SIPA1L1: variants seen among roughly 807,000 people sequenced by gnomAD.
SIPA1L1 encodes the protein signal-induced proliferation-associated 1-like protein 1.
In SIPA1L1, 26 loss-of-function variants were observed where a neutral mutation model predicts 162.7. The observed-to-expected ratio is 0.16, with a 90% CI of 0.12 to 0.22. The LOEUF (loss-of-function observed/expected upper bound fraction) is 0.22, where lower values mean the gene tolerates loss of function less well. SIPA1L1 is among the 10% of genes least tolerant of loss of function. The pLI is 1.00. For synonymous variants in SIPA1L1, 829 were observed against 837.4 expected, an observed-to-expected ratio of 0.99 and a Z score of 0.17; for missense variants, 1,874 against 2,241.0, an observed-to-expected ratio of 0.84 and a Z score of 3.31.
At chr14:71,529,246 C>G in intron 3 of SIPA1L1, 66 bp from the exon 4 acceptor site, 1 of 526,112 alleles carries the variant, frequency 1.9e-6, no homozygotes, top group East Asian at 2.9e-5. Flanking sequence ...GTAAGTTATA[C>G]AGCTATTGTA....
chr14:71,690,579 G>GT (rs2081185096), intron 13 of SIPA1L1, among the ~76,000 whole-genome samples: 1 of 152,280 alleles, frequency 6.6e-6, no homozygotes, highest in East Asian at 1.9e-4. Flanking sequence ...TCTGGATGGT[G>GT]TTAGGTCCTT....
intron 19 of SIPA1L1, among the ~76,000 whole-genome samples, chr14:71,725,652 G>A (rs368757969): frequency 3.3e-5 from 5 of 152,150 alleles, no homozygotes; most frequent in Admixed American, 3.3e-4. Flanking sequence ...GTTCTATAAA[G>A]TGTGGAGTCT....
intron 10 of SIPA1L1, among the ~76,000 whole-genome samples, chr14:71,668,394 A>G (rs943197352): frequency 6.6e-6 from 1 of 152,144 alleles, no homozygotes; most frequent in African/African-American, 2.4e-5. Flanking sequence ...ACTTCTCTGT[A>G]TCTGTTCCTG....
chr14:71,412,580 CT>C (rs547151303), intron 2 of SIPA1L1, among the ~76,000 whole-genome samples: 210 of 152,164 alleles, frequency 1.4e-3, no homozygotes, highest in Non-Finnish European at 2.5e-3. Context: ...GTTTGAAGTG[CT>C]TTTTTATTTA....
intron 1 of SIPA1L1, 44 bp from the exon 2 acceptor site, chr14:71,321,078 G>C (rs912250530): frequency 6.6e-6 from 1 of 151,964 alleles, no homozygotes; most frequent in Admixed American, 6.5e-5. Context: ...GAGGCGGCGA[G>C]TGAGCGCGCG....
chr14:71,537,733 T>A (rs930637098), intron 4 of SIPA1L1, among the ~76,000 whole-genome samples: 2 of 152,110 alleles, frequency 1.3e-5, no homozygotes, highest in Admixed American at 1.3e-4. Flanking sequence ...GAAGTTTTAC[T>A]TTCTTCTAAG....
chr14:71,513,520 C>T (rs1025341793), intron 3 of SIPA1L1, among the ~76,000 whole-genome samples: 12 of 152,224 alleles, frequency 7.9e-5, no homozygotes, highest in African/African-American at 2.4e-4. Flanking sequence ...CAGGGTCTCG[C>T]TCTGTTGCTT....
chr14:71,377,015 G>A lies in SIPA1L1; in HGVS notation c.-465+55834G>A, dbSNP rs912820616. 5.9e-5 allele frequency among the ~76,000 whole-genome samples: 9 copies of A among 152,202 alleles called. No homozygotes were observed. Among genetic ancestry groups the A allele is most frequent in the African/African-American group, 2.2e-4 (9 of 41,500 alleles). On this transcript the variant is annotated intron_variant, in intron 2 of 23. Coordinates refer to ENST00000381232, the MANE Select transcript of SIPA1L1 (RefSeq NM_001386936.1). The surrounding 1 kb of genome is among the most constrained non-coding windows in gnomAD (Gnocchi z 4.8). ...CTTTCTATTCGACAAAACCACCATCGTCATTATGGCCCGTTCTCAGTGAGC... is the reference window on the plus strand; with the variant it reads ...CTTTCTATTCGACAAAACCACCATCATCATTATGGCCCGTTCTCAGTGAGC...
intron 5 of SIPA1L1, among the ~76,000 whole-genome samples, chr14:71,604,509 T>C (rs1473684258): frequency 6.6e-6 from 1 of 152,082 alleles, no homozygotes; most frequent in Non-Finnish European, 1.5e-5. Context: ...GTTATCATTC[T>C]TTCACTTCCA....
intron 2 of SIPA1L1, among the ~76,000 whole-genome samples, 176 bp from the exon 3 acceptor site, chr14:71,512,567 C>A (rs2144431894): frequency 7.4e-6 from 1 of 135,338 alleles, no homozygotes; most frequent in Admixed American, 8.2e-5. Context: ...AGCCTGGCGA[C>A]AGAGCGAGAC....
chr14:71,502,412 T>TGC (rs1383857672), intron 2 of SIPA1L1, among the ~76,000 whole-genome samples: 1 of 151,208 alleles, frequency 6.6e-6, no homozygotes, highest in Non-Finnish European at 1.5e-5. Flanking sequence ...CAATTTTGTG[T>TGC]GTGTGTGTGT....
chr14:71,628,342 A>G (rs1224279863), intron 7 of SIPA1L1, among the ~76,000 whole-genome samples: 1 of 152,230 alleles, frequency 6.6e-6, no homozygotes, highest in Non-Finnish European at 1.5e-5. Flanking sequence ...GCGTTCCCAC[A>G]TGTAAAGCAC....
At chr14:71,704,515 C>T (rs745431651) in intron 15 of SIPA1L1, among the ~76,000 whole-genome samples, 1 of 152,146 alleles carries the variant, frequency 6.6e-6, no homozygotes, top group Admixed American at 6.5e-5. Flanking sequence ...GAGTCAGAGT[C>T]AAGGAGTATT....
chr14:71,480,606 A>G (rs1256872536), intron 2 of SIPA1L1, among the ~76,000 whole-genome samples: 1 of 151,926 alleles, frequency 6.6e-6, no homozygotes, highest in Non-Finnish European at 1.5e-5. Flanking sequence ...TACTAAAAAT[A>G]CAAAAATTAG....
intron 2 of SIPA1L1, among the ~76,000 whole-genome samples, chr14:71,488,944 A>G (rs1319577637): frequency 6.6e-6 from 1 of 152,190 alleles, no homozygotes; most frequent in Non-Finnish European, 1.5e-5. Flanking sequence ...GTGAAGAAGT[A>G]AATTCCAGGC....
At chr14:71,692,836 G>T (rs146430805) in intron 13 of SIPA1L1, among the ~76,000 whole-genome samples, 3 of 152,276 alleles carry the variant, frequency 2.0e-5, no homozygotes, top group Non-Finnish European at 4.4e-5. Flanking sequence ...GGCCACCTGT[G>T]TATTAGTGTG....
At position 71,671,110 on chromosome 14, in the gene SIPA1L1, G is replaced by T; in HGVS notation, c.2256-9G>T. ...ACTGACGTGGCTCTCTTTGATCTTT[G>T]TCTCTCAGTGTGGCTGTTACCAGGT... On this transcript the variant is annotated splice_polypyrimidine_tract_variant and intron_variant, in intron 10 of 23. Transcript: ENST00000381232. 6.4e-7 allele frequency: 1 copy of T among 1,571,096 alleles called. No homozygotes were observed. The highest frequency in any genetic ancestry group is 8.6e-7 in the Non-Finnish European group (1 of 1,158,512).
At chr14:71,645,044 G>A (rs1334980003) in intron 7 of SIPA1L1, among the ~76,000 whole-genome samples, 1 of 152,160 alleles carries the variant, frequency 6.6e-6, no homozygotes, top group Non-Finnish European at 1.5e-5. Flanking sequence ...TGTCCTTTCC[G>A]GGGGCTCTAA....
chr14:71,739,150 G>A lies in SIPA1L1; in HGVS notation c.5341G>A (p.Asp1781Asn), dbSNP rs769478855. 1.1e-5 allele frequency: 17 copies of A among 1,613,092 alleles called. No individual in the cohort carries two copies. The highest frequency in any genetic ancestry group is 1.4e-5 in the Non-Finnish European group (16 of 1,179,460). ...CACAGAATGGGTCTTCAACACCATA[G>A]ACATGAGCTAGGGAAGGCTGAGGAG... ...KFTEWVFNTIDMS is the reference protein window; with the variant it reads ...KFTEWVFNTINMS Residue 1781 changes from aspartate to asparagine, a missense_variant, in exon 24 of 24, where the codon GAC (aspartate) becomes AAC (asparagine). By Grantham distance (23) the Asp-to-Asn change is conservative. Coordinates refer to ENST00000381232, the MANE Select transcript of SIPA1L1 (RefSeq NM_001386936.1).
Sources: allele counts gnomAD v4.1 joint callset (sites outside exome capture counted in the v4.1 genomes callset), GRCh38; gene constraint gnomAD v4.1.1; non-coding constraint Gnocchi (gnomAD v3.1); transcripts MANE v1.5; gene names NCBI Gene and HGNC (gene_info 2026-07-23, HGNC 2026-07-21).